TEX2: variants seen among roughly 807,000 people sequenced by gnomAD.
TEX2 encodes the protein testis-expressed protein 2.
In TEX2, 53 loss-of-function variants were observed where a neutral mutation model predicts 106.9. That is an observed-to-expected ratio of 0.50 (90% CI 0.40 to 0.62). The LOEUF is 0.62. TEX2 is among the 20% of genes least tolerant of loss of function. The probability of loss-of-function intolerance (pLI) is 0.00; values close to 1 mark genes in which losing one functional copy is unlikely to be tolerated. For synonymous variants in TEX2, 523 were observed against 534.8 expected (o/e 0.98, Z 0.30); for missense variants, 1,207 against 1,379.0 (o/e 0.88, Z 1.98).
intron 1 of TEX2, among the ~76,000 whole-genome samples, chr17:64,260,649 A>AG (rs1555638424): frequency 6.6e-6 from 1 of 152,192 alleles, no homozygotes; most frequent in Non-Finnish European, 1.5e-5. Flanking sequence ...TATATACATA[A>AG]GGGGCAGAAA....
intron 7 of TEX2, among the ~76,000 whole-genome samples, chr17:64,162,368 TA>T (rs2030926419): frequency 6.6e-6 from 1 of 152,160 alleles, no homozygotes; most frequent in Admixed American, 6.5e-5. Context: ...AGAACAACAA[TA>T]AAGGAGATAT....
At chr17:64,222,220 A>G (rs1432272227) in intron 1 of TEX2, among the ~76,000 whole-genome samples, 2 of 152,146 alleles carry the variant, frequency 1.3e-5, no homozygotes, top group African/African-American at 4.8e-5. Flanking sequence ...GGTTAGTTAC[A>G]TTTTAAAAAG....
intron 2 of TEX2, among the ~76,000 whole-genome samples, chr17:64,207,730 CTTTT>C (rs544714813): frequency 6.8e-6 from 1 of 148,078 alleles, no homozygotes. Context: ...TAGTATTTGC[CTTTT>C]TTTTTTCTTT....
intron 1 of TEX2, among the ~76,000 whole-genome samples, chr17:64,249,506 C>T (rs1162595827): frequency 2.0e-5 from 3 of 152,174 alleles, no homozygotes. Flanking sequence ...TTCTTTGGAG[C>T]TGTGGGTCAA....
At chr17:64,210,021 T>C (rs1196219056) in intron 2 of TEX2, among the ~76,000 whole-genome samples, 1 of 152,184 alleles carries the variant, frequency 6.6e-6, no homozygotes, top group Non-Finnish European at 1.5e-5. Context: ...TGGATTAAAA[T>C]TAAAATCTTC....
At chr17:64,250,137 G>C (rs898862791) in intron 1 of TEX2, among the ~76,000 whole-genome samples, 1 of 152,150 alleles carries the variant, frequency 6.6e-6, no homozygotes, top group South Asian at 2.1e-4. Context: ...CTGTAGGTGA[G>C]GTGGATAGGA....
At chr17:64,207,154 TC>T (rs2032860806) in intron 2 of TEX2, among the ~76,000 whole-genome samples, 1 of 152,198 alleles carries the variant, frequency 6.6e-6, no homozygotes, top group African/African-American at 2.4e-5. Context: ...ACTGCAATGC[TC>T]CTTGAACTGT....
chr17:64,222,408 C>G (rs1555633392), intron 1 of TEX2, among the ~76,000 whole-genome samples: 1 of 151,228 alleles, frequency 6.6e-6, no homozygotes. Flanking sequence ...ATCCCAGTTA[C>G]TCGGGAGGCT....
chr17:64,196,705 A>C (rs1555629339), intron 2 of TEX2, among the ~76,000 whole-genome samples: 1 of 152,214 alleles, frequency 6.6e-6, no homozygotes, highest in African/African-American at 2.4e-5. Flanking sequence ...ATGTAGAACT[A>C]AGTACTTTCT....
At chr17:64,150,613 GGGTTTCCTCTGAA>G in intron 11 of TEX2, 1 of 305,718 alleles carries the variant, frequency 3.3e-6, no homozygotes. Context: ...CAAATCTTTT[GGGTTTCCTCTGAA>G]GATGACTTAG....
At chr17:64,208,698 C>T (rs1567941886) in intron 2 of TEX2, among the ~76,000 whole-genome samples, 2 of 152,246 alleles carry the variant, frequency 1.3e-5, no homozygotes, top group East Asian at 3.9e-4. Flanking sequence ...TATCATGGCT[C>T]ACTGCAGCTT....
chr17:64,176,917 T>C (rs2031638933), intron 6 of TEX2, among the ~76,000 whole-genome samples: 1 of 152,234 alleles, frequency 6.6e-6, no homozygotes, highest in Non-Finnish European at 1.5e-5. Context: ...TTAAGTAATT[T>C]GTATTTTCCT....
chr17:64,209,017 C>A (rs2032921157), intron 2 of TEX2, among the ~76,000 whole-genome samples: 1 of 152,212 alleles, frequency 6.6e-6, no homozygotes, highest in Non-Finnish European at 1.5e-5. Context: ...CTCACTCCTT[C>A]ATTCATCTAC....
chr17:64,227,531 T>C (rs576724313), intron 1 of TEX2, among the ~76,000 whole-genome samples: 1 of 152,360 alleles, frequency 6.6e-6, no homozygotes, highest in East Asian at 1.9e-4. Context: ...AAAATTATTA[T>C]AATCATTATC....
intron 1 of TEX2, among the ~76,000 whole-genome samples, chr17:64,225,907 A>G (rs1438496550): frequency 1.3e-5 from 2 of 152,026 alleles, no homozygotes; most frequent in Admixed American, 1.3e-4. Flanking sequence ...TAGTAGAAAC[A>G]GAAATTCGCC....
chr17:64,244,796 T>C (rs1300378210), intron 1 of TEX2, among the ~76,000 whole-genome samples: 1 of 152,214 alleles, frequency 6.6e-6, no homozygotes, highest in Non-Finnish European at 1.5e-5. Context: ...TGTTCTCTAG[T>C]TGCTTTTTCA....
At chr17:64,254,937 C>A (rs1305352635) in intron 1 of TEX2, among the ~76,000 whole-genome samples, 2 of 151,878 alleles carry the variant, frequency 1.3e-5, no homozygotes, top group Non-Finnish European at 2.9e-5. Flanking sequence ...TCATGGCTCA[C>A]AGCAGCCTTG....
intron 1 of TEX2, among the ~76,000 whole-genome samples, chr17:64,251,583 G>A (rs1430967724): frequency 2.0e-5 from 3 of 152,234 alleles, no homozygotes; most frequent in South Asian, 4.2e-4. Flanking sequence ...CAAAGTTCCC[G>A]GGGAAGACCC....
intron 1 of TEX2, among the ~76,000 whole-genome samples, chr17:64,240,646 T>TG (rs2143400008): frequency 6.6e-6 from 1 of 152,280 alleles, no homozygotes; most frequent in African/African-American, 2.4e-5. Flanking sequence ...AGCATTTGCA[T>TG]GGGGAATGAA....
Sources: gnomAD v4.1 joint callset for allele counts (sites outside exome capture counted in the v4.1 genomes callset) on GRCh38, gnomAD v4.1.1 for gene constraint, MANE v1.5 for transcripts, NCBI Gene and HGNC (gene_info 2026-07-23, HGNC 2026-07-21) for gene names.